Variants in MBD5 observed in about 807,000 individuals in gnomAD.
MBD5 encodes the protein methyl-CpG binding domain protein 5.
In MBD5, 13 loss-of-function variants were observed where a neutral mutation model predicts 117.3. That is an observed-to-expected ratio of 0.11 (90% CI 0.07 to 0.18). The LOEUF (loss-of-function observed/expected upper bound fraction) is 0.18, where lower values mean the gene tolerates loss of function less well. Among genes scored for constraint, MBD5 ranks in the 10% least tolerant of loss-of-function variants. The pLI, the probability that MBD5 is intolerant of heterozygous loss-of-function variation, is 1.00. For synonymous variants in MBD5, 727 were observed against 766.4 expected, an observed-to-expected ratio of 0.95 and a Z score of 0.85; for missense variants, 1,879 against 2,093.8, an observed-to-expected ratio of 0.90 and a Z score of 2.00.
intron 3 of MBD5, among the ~76,000 whole-genome samples, chr2:148,292,472 G>A (rs1051527558): frequency 6.6e-6 from 1 of 152,160 alleles, no homozygotes; most frequent in African/African-American, 2.4e-5. Context: ...ATGAAAGGGT[G>A]TTCAATCATT....
chr2:148,204,991 A>G (rs548362106), intron 2 of MBD5, among the ~76,000 whole-genome samples: 1 of 152,226 alleles, frequency 6.6e-6, no homozygotes, highest in Non-Finnish European at 1.5e-5. Flanking sequence ...AAAATTCCCT[A>G]AAAATAAAAT....
intron 2 of MBD5, among the ~76,000 whole-genome samples, chr2:148,210,327 T>C (rs1699389738): frequency 1.3e-5 from 2 of 152,166 alleles, no homozygotes; most frequent in African/African-American, 4.8e-5. Flanking sequence ...GGATGTACCA[T>C]TTAGAAAAAA....
intron 2 of MBD5, among the ~76,000 whole-genome samples, chr2:148,224,206 C>T (rs752004895): frequency 7.8e-4 from 118 of 152,172 alleles, no homozygotes; most frequent in Non-Finnish European, 1.1e-3. Flanking sequence ...ATTGGATGAA[C>T]TGTTCTGTAA....
At chr2:148,492,598 C>A (rs1681563450) in intron 11 of MBD5, among the ~76,000 whole-genome samples, 1 of 151,986 alleles carries the variant, frequency 6.6e-6, no homozygotes, top group Non-Finnish European at 1.5e-5. Context: ...AAAACCTGTT[C>A]CTTTCAGGAC....
chr2:148,126,172 G>T (rs1478617475), intron 1 of MBD5, among the ~76,000 whole-genome samples: 1 of 151,924 alleles, frequency 6.6e-6, no homozygotes, highest in Non-Finnish European at 1.5e-5. Flanking sequence ...GAGGCAGGCG[G>T]ATCACCTGAG....
intron 4 of MBD5, among the ~76,000 whole-genome samples, chr2:148,419,020 A>G (rs923821965): frequency 6.6e-6 from 1 of 152,212 alleles, no homozygotes; most frequent in Non-Finnish European, 1.5e-5. Flanking sequence ...TGGTACTGGT[A>G]TAAAAGTAGA....
intron 3 of MBD5, among the ~76,000 whole-genome samples, chr2:148,300,421 C>T (rs931724677): frequency 6.6e-6 from 1 of 152,070 alleles, no homozygotes; most frequent in Admixed American, 6.6e-5. Context: ...GCTATTCTCT[C>T]TTCTTTTCCT....
intron 2 of MBD5, among the ~76,000 whole-genome samples, chr2:148,205,087 T>C (rs890367260): frequency 3.3e-5 from 5 of 150,880 alleles, no homozygotes; most frequent in Non-Finnish European, 7.4e-5. Flanking sequence ...TTTTATTTTA[T>C]TTTTTTTTGA....
At chr2:148,239,362 C>T (rs888228448) in intron 3 of MBD5, among the ~76,000 whole-genome samples, 2 of 152,038 alleles carry the variant, frequency 1.3e-5, no homozygotes, top group Non-Finnish European at 1.5e-5. Context: ...CATCAGAGTT[C>T]AAACAATAGG....
chr2:148,122,591 T>G (rs1449735129), intron 1 of MBD5, among the ~76,000 whole-genome samples: 6 of 152,188 alleles, frequency 3.9e-5, no homozygotes, highest in African/African-American at 1.4e-4. Flanking sequence ...ATTGGTTATG[T>G]CAAACACTTC....
At chr2:148,465,517 G>A (rs1370180732) in intron 7 of MBD5, among the ~76,000 whole-genome samples, 1 of 152,258 alleles carries the variant, frequency 6.6e-6, no homozygotes, top group Non-Finnish European at 1.5e-5. Flanking sequence ...CTGAAAAATA[G>A]GGATGATGAG....
At chr2:148,228,905 T>G in intron 2 of MBD5, among the ~76,000 whole-genome samples, 1 of 152,234 alleles carries the variant, frequency 6.6e-6, no homozygotes, top group Non-Finnish European at 1.5e-5. Context: ...ATAGAGGTGT[T>G]TATAGTATTC....
chr2:148,107,421 T>A (rs564519397), intron 1 of MBD5, among the ~76,000 whole-genome samples: 23 of 152,076 alleles, frequency 1.5e-4, no homozygotes, highest in Non-Finnish European at 3.1e-4. Flanking sequence ...AGTTTTTTTT[T>A]ATCAGATATG....
intron 1 of MBD5, among the ~76,000 whole-genome samples, chr2:148,057,831 A>G (rs1694912209): frequency 6.6e-6 from 1 of 151,952 alleles, no homozygotes. Flanking sequence ...TAGTTAAAAA[A>G]AATAAAGTTA....
At chr2:148,174,778 T>C (rs1173331496) in intron 1 of MBD5, among the ~76,000 whole-genome samples, 4 of 86,834 alleles carry the variant, frequency 4.6e-5, no homozygotes, top group African/African-American at 2.1e-4. Flanking sequence ...AGAATGACCA[T>C]TACCAAAAAA....
chr2:148,077,160 C>A (rs1695529452), intron 1 of MBD5, among the ~76,000 whole-genome samples: 1 of 152,178 alleles, frequency 6.6e-6, no homozygotes, highest in Non-Finnish European at 1.5e-5. Context: ...CTCTCTAGCC[C>A]ATTGTCAAAA....
At position 148,021,259 on chromosome 2, in the gene MBD5, C is replaced by G. The variant is rs901317325; in HGVS notation, c.-1350C>G. On this transcript the variant is annotated 5_prime_UTR_variant, in exon 1 of 14. Coordinates refer to ENST00000642680, the MANE Select transcript of MBD5 (RefSeq NM_001378120.1). The stretch of plus-strand genomic sequence containing the variant: ...AAGGCGGCTGAGTTCCTTCCCCCAC[C>G]CTCCAGCCCTGAGCCCTGAGAGGGG... 5 of 286,220 alleles carry G rather than the reference C, an allele frequency of 1.7e-5. No homozygotes were observed. Among genetic ancestry groups the G allele is most frequent in the Admixed American group, 4.1e-5 (1 of 24,248 alleles). The allele number at this position is 286,220 out of a possible 1,614,324, so 17.7% of individuals were successfully genotyped here.
chr2:148,448,967 C>T (rs1052584661), intron 4 of MBD5, among the ~76,000 whole-genome samples: 5 of 151,840 alleles, frequency 3.3e-5, no homozygotes, highest in Admixed American at 2.0e-4. Context: ...CACCATATTA[C>T]AGAAAAGCAA....
At chr2:148,329,697 A>G (rs536060990) in intron 3 of MBD5, among the ~76,000 whole-genome samples, 6 of 152,322 alleles carry the variant, frequency 3.9e-5, no homozygotes, top group African/African-American at 1.4e-4. Context: ...AGCTACTGTC[A>G]GAGGCATAAC....
Sources: allele counts gnomAD v4.1 joint callset (sites outside exome capture counted in the v4.1 genomes callset), GRCh38; gene constraint gnomAD v4.1.1; transcripts MANE v1.5; gene names NCBI Gene and HGNC (gene_info 2026-07-23, HGNC 2026-07-21).